The following SPTLC1 variants were observed in gnomAD, a reference collection of about 807,000 sequenced individuals.
The protein encoded by SPTLC1 is serine palmitoyltransferase long chain base subunit 1.
In SPTLC1, 55 loss-of-function variants were observed where a neutral mutation model predicts 68.9. That is an observed-to-expected ratio of 0.80 (90% CI 0.64 to 1.00). The LOEUF (loss-of-function observed/expected upper bound fraction) is 1.00. Ranked by LOEUF, SPTLC1 falls within the 50% of genes least tolerant of loss-of-function variation. The pLI, the probability that SPTLC1 is intolerant of heterozygous loss-of-function variation, is 0.00. For synonymous variants in SPTLC1, 197 were observed against 201.6 expected (o/e 0.98, Z 0.19); for missense variants, 449 against 573.1 (o/e 0.78, Z 2.21).
At chr9:92,038,103 T>C in intron 13 of SPTLC1, 145 bp downstream of exon 13, 1 of 743,942 alleles carries the variant, frequency 1.3e-6, no homozygotes, top group Non-Finnish European at 2.5e-6. Context: ...GGATTCCATG[T>C]CAAGAGCGGG....
At chr9:92,087,126 T>C (rs1356992231) in intron 3 of SPTLC1, among the ~76,000 whole-genome samples, 1 of 152,178 alleles carries the variant, frequency 6.6e-6, no homozygotes, top group Non-Finnish European at 1.5e-5. Flanking sequence ...GTATTGGTTA[T>C]TCTAGTTATA....
At chr9:92,062,169 TA>T (rs1387065129) in intron 6 of SPTLC1, among the ~76,000 whole-genome samples, 1 of 151,746 alleles carries the variant, frequency 6.6e-6, no homozygotes, top group African/African-American at 2.4e-5. Context: ...TAAAAAATAA[TA>T]AAAAGGGTAT....
chr9:92,047,310 T>G, intron 10 of SPTLC1, 42 bp from the exon 11 acceptor site: 1 of 1,541,290 alleles, frequency 6.5e-7, no homozygotes. Flanking sequence ...TTCTCTGTCC[T>G]TTCTAGGTAA....
chr9:92,081,379 T>G (rs540795240), intron 3 of SPTLC1, among the ~76,000 whole-genome samples: 1 of 152,322 alleles, frequency 6.6e-6, no homozygotes, highest in African/African-American at 2.4e-5. Flanking sequence ...TCTTGCATAG[T>G]TAAACGGCTT....
At chr9:92,041,640 C>A (rs1446645813) in intron 12 of SPTLC1, among the ~76,000 whole-genome samples, 2 of 151,996 alleles carry the variant, frequency 1.3e-5, no homozygotes, top group Non-Finnish European at 1.5e-5. Flanking sequence ...CCGAAGCTAC[C>A]CTAACACTGA....
chr9:92,094,749 A>C (rs1454802469), intron 3 of SPTLC1, among the ~76,000 whole-genome samples: 2 of 152,210 alleles, frequency 1.3e-5, no homozygotes, highest in Non-Finnish European at 2.9e-5. Context: ...TGACAAAGAG[A>C]TCTTCAAAGC....
Position 92,061,276 on chromosome 9 carries a change from T to C in SPTLC1, c.561-1968A>G, listed in dbSNP as rs1834090610. 2.6e-5 allele frequency among the ~76,000 whole-genome samples: 4 copies of C among 151,960 alleles called. No homozygotes were observed. In the South Asian group the frequency reaches 6.2e-4, roughly 24 times the overall value. On this transcript the variant is annotated intron_variant, in intron 6 of 14. Transcript: ENST00000262554. ...CCAGAGAAAAATGACACCTTATACA[T>C]AGAGAAAAACAATTTGAATGACGGG...
intron 8 of SPTLC1, chr9:92,053,844 G>A (rs1232702808): frequency 1.6e-6 from 1 of 610,622 alleles, no homozygotes; most frequent in African/African-American, 2.0e-5. Context: ...AAAGTTGATG[G>A]TTGCACACAT....
chr9:92,079,971 A>G, intron 5 of SPTLC1, 45 bp downstream of exon 5: 3 of 1,515,190 alleles, frequency 2.0e-6, no homozygotes, highest in Non-Finnish European at 2.7e-6. Context: ...TTGAATCTTA[A>G]CTATTGAAAG....
chr9:92,085,959 G>C lies in SPTLC1; in HGVS notation c.261-4996C>G, dbSNP rs1283117088. On this transcript the variant is annotated intron_variant, in intron 3 of 14. Transcript: ENST00000262554. ...GGTGCATATATATTTAGGATAGTTA[G>C]CTCTTCTTGTTGAATTGATCCCTTT... Among the ~76,000 whole-genome samples the C allele has an allele frequency of 3.9e-5, 6 of 151,992 alleles. No individual in the cohort carries two copies. The East Asian group carries it at 1.2e-3, about 29-fold the overall frequency.
chr9:92,110,963 T>C (rs1226819822), intron 2 of SPTLC1: 1 of 152,236 alleles, frequency 6.6e-6, no homozygotes, highest in Non-Finnish European at 1.5e-5. Context: ...TTCATCAGCC[T>C]CATTACCCTA....
chr9:92,034,904 CA>C (rs1308625919), intron 13 of SPTLC1, 21 bp from the exon 14 acceptor site: 2 of 1,600,946 alleles, frequency 1.2e-6, no homozygotes, highest in Non-Finnish European at 1.7e-6. Flanking sequence ...AAAAAGAAGA[CA>C]TCTGCAACCT....
At chr9:92,057,029 CA>C (rs1005580641) in intron 7 of SPTLC1, among the ~76,000 whole-genome samples, 2 of 152,108 alleles carry the variant, frequency 1.3e-5, no homozygotes, top group African/African-American at 4.8e-5. Context: ...TGGAAAAGTA[CA>C]AAAAACAATT....
chr9:92,077,560 T>C (rs998463894), intron 5 of SPTLC1, among the ~76,000 whole-genome samples: 2 of 152,152 alleles, frequency 1.3e-5, no homozygotes, highest in Non-Finnish European at 2.9e-5. Flanking sequence ...TCTCCCCCAC[T>C]TCCCTTAAAC....
At chr9:92,033,879 G>A (rs145533820) in intron 14 of SPTLC1, among the ~76,000 whole-genome samples, 231 of 152,300 alleles carry the variant, frequency 1.5e-3, no homozygotes, top group African/African-American at 5.4e-3. Context: ...GCTTTGAGCT[G>A]CTACCAGAGT....
At chr9:92,075,869 C>T (rs1367142074) in intron 5 of SPTLC1, among the ~76,000 whole-genome samples, 1 of 152,200 alleles carries the variant, frequency 6.6e-6, no homozygotes, top group Non-Finnish European at 1.5e-5. Flanking sequence ...TCCTAATCCA[C>T]ACAACTGTAT....
intron 14 of SPTLC1, among the ~76,000 whole-genome samples, chr9:92,033,432 C>T (rs892295822): frequency 6.6e-6 from 1 of 152,214 alleles, no homozygotes; most frequent in African/African-American, 2.4e-5. Flanking sequence ...CTGTTTCATG[C>T]ATTTGACACA....
Position 92,047,223 on chromosome 9 carries a change from G to A in SPTLC1, c.1030C>T (p.Leu344=). Residue 344 remains leucine (L), a synonymous_variant, in exon 11 of 15, where the codon CTG becomes TTG. Coordinates refer to ENST00000262554, the MANE Select transcript of SPTLC1 (RefSeq NM_006415.4). ...GCCTCAATTGCTGCAGCAGCTAACAGGGGAGGTAACGAAGCTGAAAAGCAG... is the reference window on the plus strand; with the variant it reads ...GCCTCAATTGCTGCAGCAGCTAACAAGGGAGGTAACGAAGCTGAAAAGCAG... ...GYCFSASLPP[L]LAAAAIEALN... is the part of the protein sequence containing the mutation. 6.2e-7 allele frequency: 1 copy of A among 1,614,118 alleles called. No homozygotes were observed. The highest frequency in any genetic ancestry group is 8.5e-7 in the Non-Finnish European group (1 of 1,179,974).
intron 8 of SPTLC1, chr9:92,051,007 T>C (rs1466793690): frequency 3.0e-6 from 3 of 985,128 alleles, no homozygotes; most frequent in Non-Finnish European, 3.6e-6. Context: ...GAGCTGTTCC[T>C]ACACTTCATC....
Sources: gnomAD v4.1 joint callset for allele counts (sites outside exome capture counted in the v4.1 genomes callset) on GRCh38, gnomAD v4.1.1 for gene constraint, MANE v1.5 for transcripts, NCBI Gene and HGNC (gene_info 2026-07-23, HGNC 2026-07-21) for gene names.